Variants in SURF2 observed in about 807,000 individuals in gnomAD.
SURF2 encodes the protein surfeit 2.
In SURF2, 32 loss-of-function variants were observed where a neutral mutation model predicts 26.2. The observed-to-expected ratio is 1.22, with a 90% confidence interval of 0.92 to 1.64. The LOEUF is 1.64. Among genes scored for constraint, SURF2 ranks in the 40% most tolerant of loss-of-function variants. SURF2 has a pLI of 0.00. For synonymous variants in SURF2, 173 were observed against 139.1 expected, an observed-to-expected ratio of 1.24 and a Z score of -1.71; for missense variants, 415 against 341.6, an observed-to-expected ratio of 1.21 and a Z score of -1.69.
intron 5 of SURF2, 125 bp downstream of exon 5, chr9:133,360,559 C>T: frequency 8.1e-7 from 1 of 1,240,552 alleles, no homozygotes; most frequent in Non-Finnish European, 1.1e-6. Flanking sequence ...CACACAAGAA[C>T]CATAGAAGCC....
In SURF2 at chr9:133,356,620, G is replaced by C. The variant is rs2130028860; in HGVS notation, c.28G>C (p.Ala10Pro). 1 of 1,526,284 alleles carries C rather than the reference G, an allele frequency of 6.6e-7. No individual in the cohort carries two copies. Among genetic ancestry groups the C allele is most frequent in the Non-Finnish European group, 8.7e-7 (1 of 1,143,708 alleles). The allele number at this position is 1,526,284 out of a possible 1,614,324, so 94.5% of individuals were successfully genotyped here. A position where few individuals can be genotyped will look rare whatever the true frequency, so the allele number is the denominator to read the frequency against. ...GAGCGAGTTGCCGGGCGACGTGCGGGCGTTTCTGCGGGAGCACCCGAGCCT... is the reference window on the plus strand; with the variant it reads ...GAGCGAGTTGCCGGGCGACGTGCGGCCGTTTCTGCGGGAGCACCCGAGCCT... MSELPGDVR[A>P]FLREHPSLRL... is the part of the protein sequence containing the mutation. Residue 10 changes from alanine (A) to proline (P), a missense_variant, in exon 1 of 6, where the codon GCG becomes CCG. Physicochemically the swap from Ala to Pro is conservative, Grantham distance 27. Transcript: ENST00000371964.
Position 133,360,313 on chromosome 9 carries a change from G to A in SURF2, c.566G>A (p.Gly189Asp). 1 of 1,614,184 alleles carries A rather than the reference G, an allele frequency of 6.2e-7. No homozygotes were observed. Among genetic ancestry groups the A allele is most frequent in the Non-Finnish European group, 8.5e-7 (1 of 1,180,034 alleles). ...CTTGGAAGCACGGAGGATGGGGATG[G>A]CACTGATGACTTTTTGACAGACAAA... ...KDLGSTEDGD[G>D]TDDFLTDKED... Residue 189 changes from glycine to aspartate, a missense_variant, in exon 5 of 6, where the codon GGC becomes GAC. Gly to Asp is a moderately conservative substitution (Grantham distance 94). Transcript: ENST00000371964.
chr9:133,358,992 G>A (rs1375321009), intron 3 of SURF2, among the ~76,000 whole-genome samples: 1 of 152,244 alleles, frequency 6.6e-6, no homozygotes, highest in Non-Finnish European at 1.5e-5. Context: ...GCACCTTGCA[G>A]AGGCCTTGCA....
rs1427649570 is a variant in SURF2, at chr9:133,357,169, G to A, written c.233+101G>A. On this transcript the variant is annotated intron_variant, in intron 2 of 5. Coordinates refer to ENST00000371964, the MANE Select transcript of SURF2 (RefSeq NM_017503.5). ...AGCCCCTACTCTTTCAGAGTTGGGA[G>A]CCCTGGGACCCAGGTGGGCGCCCGG... The A allele has an allele frequency of 2.2e-6, 3 of 1,370,162 alleles. No individual in the cohort carries two copies. The African/African-American group carries it at 4.5e-5, about 21-fold the overall frequency. The allele number at this position is 1,370,162 out of a possible 1,614,324, so 84.9% of individuals were successfully genotyped here. A position where few individuals can be genotyped will look rare whatever the true frequency, so the allele number is the denominator to read the frequency against.
Position 133,361,145 on chromosome 9 carries a change from G to A in SURF2, c.*6G>A. On this transcript the variant is annotated 3_prime_UTR_variant, in exon 6 of 6. Coordinates refer to ENST00000371964, the MANE Select transcript of SURF2 (RefSeq NM_017503.5). ...CCTGTAAACAGCCAGGTTAATAAAA[G>A]CACATGCCGTGAAGTTTCGAGAAAG... The A allele has an allele frequency of 6.2e-7, 1 of 1,614,064 alleles. No homozygotes were observed. Among genetic ancestry groups the A allele is most frequent in the East Asian group, 2.2e-5 (1 of 44,888 alleles).
At position 133,360,021 on chromosome 9, in the gene SURF2, G is replaced by GACC. The variant is rs1296066783; in HGVS notation, c.411_413dup (p.Asp137_Gln138insHis). ...GGTGCACCGGAGGAGGAGGAGGGAG[G>GACC]ACCAGATGGACGGTGACGGGCCTCG... On this transcript the variant is annotated inframe_insertion, in exon 4 of 6. Coordinates refer to ENST00000371964, the MANE Select transcript of SURF2 (RefSeq NM_017503.5). 8 of 1,613,950 alleles carry GACC rather than the reference G, an allele frequency of 5.0e-6. No homozygotes were observed. The African/African-American group carries it at 9.3e-5, about 19-fold the overall frequency.
In SURF2 at chr9:133,360,090, G is replaced by T; in HGVS notation, c.478G>T (p.Gly160Ter). 1 of 1,613,456 alleles carries T rather than the reference G, an allele frequency of 6.2e-7. No homozygotes were observed. Among genetic ancestry groups the T allele is most frequent in the Non-Finnish European group, 8.5e-7 (1 of 1,179,648 alleles). Reference protein sequence around the residue: ...FWEPTSSDEGGAASDDSMTDL... With the variant: ...FWEPTSSDEG ...GGAGCCCACATCCAGTGATGAGGGG[G>T]GAGCTGCAAGTGATGACAGCATGAC... Residue 160 changes from glycine (G) to a stop codon, truncating the protein, a stop_gained, in exon 4 of 6, where the codon GGA becomes TGA. Coordinates refer to ENST00000371964, the MANE Select transcript of SURF2 (RefSeq NM_017503.5). LOFTEE classifies it high-confidence loss of function.
intron 1 of SURF2, 94 bp downstream of exon 1, chr9:133,356,764 G>C (rs1836609627): frequency 1.5e-6 from 2 of 1,290,866 alleles, no homozygotes; most frequent in Non-Finnish European, 2.1e-6. Context: ...GGGCAGGGGA[G>C]AGGGGAGAGG....
At chr9:133,360,196 C>T in intron 4 of SURF2, 67 bp downstream of exon 4, 1 of 1,593,662 alleles carries the variant, frequency 6.3e-7, no homozygotes, top group Non-Finnish European at 8.6e-7. Flanking sequence ...TGTGGTGCTG[C>T]CTCCCCTGCA....
chr9:133,357,355 G>A (rs966500465), intron 2 of SURF2: 5 of 523,664 alleles, frequency 9.5e-6, no homozygotes, highest in Admixed American at 3.7e-5. Flanking sequence ...CTTAACCCCA[G>A]AAGGGGTCTT....
chr9:133,359,244 T>A (rs1836686453), intron 3 of SURF2, among the ~76,000 whole-genome samples: 1 of 152,130 alleles, frequency 6.6e-6, no homozygotes, highest in Non-Finnish European at 1.5e-5. Context: ...GTGACAAGGC[T>A]GCTGCATGGC....
intron 1 of SURF2, 102 bp downstream of exon 1, chr9:133,356,772 AGGGGAG>A (rs1011617286): frequency 1.1e-6 from 1 of 947,634 alleles, no homozygotes; most frequent in Non-Finnish European, 1.4e-6. Flanking sequence ...GAGAGGGGAG[AGGGGAG>A]AGCAGGAGAG....
chr9:133,357,210 G>T, intron 2 of SURF2, 142 bp downstream of exon 2: 1 of 1,063,032 alleles, frequency 9.4e-7, no homozygotes, highest in African/African-American at 1.6e-5. Flanking sequence ...GGAATCACCT[G>T]CGGTCCCAGC....
Position 133,356,589 on chromosome 9 carries a change from G to T in SURF2, c.-4G>T, listed in dbSNP as rs1362906283. On this transcript the variant is annotated 5_prime_UTR_variant, in exon 1 of 6. Coordinates refer to ENST00000371964, the MANE Select transcript of SURF2 (RefSeq NM_017503.5). ...CGCCGGGCTGCTCCGCGGGCGCGTC[G>T]GCCATGAGCGAGTTGCCGGGCGACG... is the stretch of plus-strand genomic sequence containing the variant. 4.0e-6 allele frequency: 6 copies of T among 1,518,978 alleles called. No homozygotes were observed. Among genetic ancestry groups the T allele is most frequent in the Non-Finnish European group, 4.4e-6 (5 of 1,140,730 alleles). 94.1% of individuals were successfully genotyped at this position (1,518,978 alleles called of 1,614,324 possible).
chr9:133,357,885 T>C, intron 3 of SURF2, 71 bp downstream of exon 3: 2 of 1,486,908 alleles, frequency 1.3e-6, no homozygotes, highest in South Asian at 1.2e-5. Flanking sequence ...AGATGGAGCG[T>C]GCTTGAAGGC....
intron 3 of SURF2, 41 bp from the exon 4 acceptor site, chr9:133,359,909 G>A (rs201213064): frequency 8.9e-6 from 14 of 1,566,636 alleles, no homozygotes; most frequent in East Asian, 4.5e-5. Flanking sequence ...AGGACCGTGG[G>A]GGGTGTGGAG....
At position 133,360,087 on chromosome 9, in the gene SURF2, G is replaced by C. The variant is rs2130047598; in HGVS notation, c.475G>C (p.Gly159Arg). The part of the protein sequence containing the change: ...AFWEPTSSDE[G>R]GAASDDSMTD... ...CTGGGAGCCCACATCCAGTGATGAG[G>C]GGGGAGCTGCAAGTGATGACAGCAT... is the stretch of plus-strand genomic sequence containing the variant. The change falls in exon 4 of 6, where the codon GGG (glycine) becomes CGG (arginine). Residue 159 changes from glycine to arginine, a missense_variant. Physicochemically the swap from Gly to Arg is moderately radical, Grantham distance 125. Transcript: ENST00000371964. 9 of 1,613,586 alleles carry C rather than the reference G, an allele frequency of 5.6e-6. No homozygotes were observed. Among genetic ancestry groups the C allele is most frequent in the African/African-American group, 4.0e-5 (3 of 74,918 alleles).
chr9:133,360,324 T>G lies in SURF2; in HGVS notation c.577T>G (p.Phe193Val), dbSNP rs2130050008. The G allele has an allele frequency of 2.0e-5, 32 of 1,614,002 alleles. No individual in the cohort carries two copies. The highest frequency in any genetic ancestry group is 1.9e-5 in the Non-Finnish European group (23 of 1,180,032). ...STEDGDGTDD[F>V]LTDKEDEKAK... is the part of the protein sequence containing the mutation. Reference sequence around the variant, plus strand: ...GGAGGATGGGGATGGCACTGATGACTTTTTGACAGACAAAGAGGATGAGAA... The same window carrying G: ...GGAGGATGGGGATGGCACTGATGACGTTTTGACAGACAAAGAGGATGAGAA... Residue 193 changes from phenylalanine (F) to valine (V), a missense_variant, in exon 5 of 6, where the codon TTT becomes GTT. Phe to Val is a conservative substitution (Grantham distance 50). Transcript: ENST00000371964.
Position 133,356,620 on chromosome 9 carries a change from G to A in SURF2, c.28G>A (p.Ala10Thr), listed in dbSNP as rs2130028860. The A allele has an allele frequency of 8.3e-5, 126 of 1,526,174 alleles. No homozygotes were observed. The highest frequency in any genetic ancestry group is 1.2e-4 in the Admixed American group (6 of 50,422). The allele number at this position is 1,526,174 out of a possible 1,614,324, so 94.5% of individuals were successfully genotyped here. A position where few individuals can be genotyped will look rare whatever the true frequency, so the allele number is the denominator to read the frequency against. The change falls in exon 1 of 6, where the codon GCG becomes ACG. Residue 10 changes from alanine (A) to threonine (T), a missense_variant. Transcript: ENST00000371964. ...GAGCGAGTTGCCGGGCGACGTGCGG[G>A]CGTTTCTGCGGGAGCACCCGAGCCT... Reference protein sequence around the residue: MSELPGDVRAFLREHPSLRL... With the variant: MSELPGDVRTFLREHPSLRL...
Sources: gnomAD v4.1 joint callset for allele counts (sites outside exome capture counted in the v4.1 genomes callset) on GRCh38, gnomAD v4.1.1 for gene constraint, MANE v1.5 for transcripts, NCBI Gene and HGNC (gene_info 2026-07-23, HGNC 2026-07-21) for gene names.